The following CARMIL1 variants were observed in gnomAD, a reference collection of about 807,000 sequenced individuals.
The protein encoded by CARMIL1 is F-actin-uncapping protein LRRC16A.
A neutral mutation model predicts 177.1 loss-of-function variants in CARMIL1; 90 were observed. That is an observed-to-expected ratio of 0.51 (90% CI 0.43 to 0.61). The LOEUF (loss-of-function observed/expected upper bound fraction) is 0.61. Ranked by LOEUF, CARMIL1 falls within the 20% of genes least tolerant of loss-of-function variation. The probability of loss-of-function intolerance (pLI) is 0.00; values close to 1 mark genes in which losing one functional copy is unlikely to be tolerated. For missense variants in CARMIL1, 1,380 were observed against 1,667.0 expected (o/e 0.83, Z 3.00); for synonymous variants, 577 against 606.2 (o/e 0.95, Z 0.71).
intron 36 of CARMIL1, among the ~76,000 whole-genome samples, chr6:25,616,424 A>G (rs7751329): frequency 0.27 from 41,164 of 151,928 alleles, 5,923 homozygotes; most frequent in East Asian, 0.54. Flanking sequence ...ATAAAAAATT[A>G]GCTGGGTGTG....
At chr6:25,481,491 C>G (rs879924192) in intron 11 of CARMIL1, among the ~76,000 whole-genome samples, 3 of 152,170 alleles carry the variant, frequency 2.0e-5, no homozygotes, top group Admixed American at 6.5e-5. Flanking sequence ...GTTTAAGGAG[C>G]CTTCTCAAGA....
intron 5 of CARMIL1, among the ~76,000 whole-genome samples, chr6:25,441,636 A>G (rs1797794084): frequency 6.6e-6 from 1 of 152,082 alleles, no homozygotes; most frequent in South Asian, 2.1e-4. Flanking sequence ...AAATTTAAAA[A>G]TCACCCCAAC....
chr6:25,505,743 A>G (rs1051524622), intron 17 of CARMIL1, among the ~76,000 whole-genome samples: 37 of 152,318 alleles, frequency 2.4e-4, no homozygotes, highest in African/African-American at 8.9e-4. Context: ...ATGAGCTACT[A>G]TGCCTGGCCA....
chr6:25,469,060 G>A (rs1216311833), intron 9 of CARMIL1, among the ~76,000 whole-genome samples: 1 of 152,152 alleles, frequency 6.6e-6, no homozygotes, highest in Admixed American at 6.5e-5. Context: ...ACTGATAAGG[G>A]TGTCACCATT....
chr6:25,600,758 C>G lies in CARMIL1; in HGVS notation c.3552+12C>G, dbSNP rs1159475207. 1 of 1,468,646 alleles carries G rather than the reference C, an allele frequency of 6.8e-7. No homozygotes were observed. Among genetic ancestry groups the G allele is most frequent in the Non-Finnish European group, 9.0e-7 (1 of 1,109,832 alleles). 91.0% of individuals were successfully genotyped at this position (1,468,646 alleles called of 1,614,324 possible). A position where few individuals can be genotyped will look rare whatever the true frequency, so the allele number is the denominator to read the frequency against. ...CGTGTGCGCAGAAGGTAAGGGTGGA[C>G]CTATTTTTAATTCATTCATTTATTT... On this transcript the variant is annotated intron_variant, in intron 33 of 36. Transcript: ENST00000329474.
intron 2 of CARMIL1, among the ~76,000 whole-genome samples, chr6:25,361,998 A>T (rs1051314682): frequency 1.3e-5 from 2 of 152,226 alleles, no homozygotes; most frequent in Non-Finnish European, 2.9e-5. Flanking sequence ...AAAAAAAGAA[A>T]GAAAAAATTT....
chr6:25,288,521 T>C (rs1781699835), intron 2 of CARMIL1, among the ~76,000 whole-genome samples: 1 of 151,198 alleles, frequency 6.6e-6, no homozygotes, highest in Non-Finnish European at 1.5e-5. Context: ...TCTTATGTTA[T>C]AACAGTATCT....
chr6:25,364,656 C>T (rs937830146), intron 2 of CARMIL1, among the ~76,000 whole-genome samples: 10 of 152,034 alleles, frequency 6.6e-5, no homozygotes, highest in Middle Eastern at 3.4e-3. Context: ...CTCCGTCTCC[C>T]GGGTTCAAAT....
chr6:25,610,133 G>T lies in CARMIL1; in HGVS notation c.3931G>T (p.Asp1311Tyr). 6.2e-7 allele frequency: 1 copy of T among 1,613,916 alleles called. No homozygotes were observed. The highest frequency in any genetic ancestry group is 8.5e-7 in the Non-Finnish European group (1 of 1,179,872). ...LKKVPSDKERDGQSSPQPSPR... is the reference protein window; with the variant it reads ...LKKVPSDKERYGQSSPQPSPR... The stretch of plus-strand genomic sequence containing the variant: ...AAAAGTTCCTTCAGACAAAGAGAGA[G>T]ATGGCCAGAGTAGCCCCCAGCCCAG... The change falls in exon 36 of 37, where the codon GAT becomes TAT. Residue 1311 changes from aspartate to tyrosine, a missense_variant. Transcript: ENST00000329474.
intron 2 of CARMIL1, among the ~76,000 whole-genome samples, chr6:25,302,091 C>A (rs917594927): frequency 6.6e-6 from 1 of 152,176 alleles, no homozygotes; most frequent in Non-Finnish European, 1.5e-5. Flanking sequence ...AAATCATTTT[C>A]TGAAAATTCA....
chr6:25,340,983 T>G (rs1347408548), intron 2 of CARMIL1, among the ~76,000 whole-genome samples: 4 of 151,954 alleles, frequency 2.6e-5, no homozygotes, highest in African/African-American at 9.7e-5. Flanking sequence ...AACTTAGGTC[T>G]TAAAAGGAAG....
intron 2 of CARMIL1, among the ~76,000 whole-genome samples, chr6:25,302,481 G>A (rs988317970): frequency 3.3e-5 from 5 of 152,160 alleles, no homozygotes; most frequent in African/African-American, 1.2e-4. Flanking sequence ...TAAACTACTC[G>A]AGAGTCCAGG....
intron 4 of CARMIL1, 41 bp from the exon 5 acceptor site, chr6:25,435,442 A>C (rs762412941): frequency 4.1e-5 from 64 of 1,543,026 alleles, no homozygotes; most frequent in Non-Finnish European, 5.2e-5. Context: ...AACGGAAGGA[A>C]TTGGACTCAT....
At chr6:25,361,898 T>C (rs989411273) in intron 2 of CARMIL1, among the ~76,000 whole-genome samples, 6 of 152,064 alleles carry the variant, frequency 3.9e-5, no homozygotes, top group African/African-American at 1.4e-4. Flanking sequence ...CTCTTGAGTT[T>C]GAACTTTTCA....
At chr6:25,336,922 G>A (rs933857509) in intron 2 of CARMIL1, among the ~76,000 whole-genome samples, 2 of 152,156 alleles carry the variant, frequency 1.3e-5, no homozygotes, top group Non-Finnish European at 2.9e-5. Context: ...GTCACAAGCC[G>A]TTTGGAATTT....
chr6:25,482,802 C>T (rs1582103280), intron 12 of CARMIL1, among the ~76,000 whole-genome samples: 1 of 152,188 alleles, frequency 6.6e-6, no homozygotes, highest in East Asian at 1.9e-4. Context: ...CTTATCTTCT[C>T]TCCAGGTCAG....
chr6:25,389,174 G>A (rs1307468781), intron 2 of CARMIL1: 1 of 152,242 alleles, frequency 6.6e-6, no homozygotes, highest in Non-Finnish European at 1.5e-5. Context: ...TGCTCTGCCA[G>A]TAGAAAATGG....
In CARMIL1 at chr6:25,449,987, G is replaced by C; in HGVS notation, c.461G>C (p.Gly154Ala). Residue 154 changes from glycine (G) to alanine (A), a missense_variant, in exon 6 of 37, where the codon GGC becomes GCC. Gly to Ala is a moderately conservative substitution (Grantham distance 60, BLOSUM62 0). Transcript: ENST00000329474. ...GACAGCCAGACCGTGGCTGAGCAGG[G>C]CCCCTGTGGTGAGCATGCATTTTAA... ...LWDSQTVAEQ[G>A]PCGGFSQMYA... 1 of 1,601,830 alleles carries C rather than the reference G, an allele frequency of 6.2e-7. No individual in the cohort carries two copies. The highest frequency in any genetic ancestry group is 8.5e-7 in the Non-Finnish European group (1 of 1,175,014).
intron 2 of CARMIL1, among the ~76,000 whole-genome samples, chr6:25,375,624 G>A (rs1209361101): frequency 6.6e-6 from 1 of 152,122 alleles, no homozygotes; most frequent in Admixed American, 6.5e-5. Flanking sequence ...TAACACCATT[G>A]ATTCTAAGGC....
Sources: gnomAD v4.1 joint callset for allele counts (sites outside exome capture counted in the v4.1 genomes callset) on GRCh38, gnomAD v4.1.1 for gene constraint, MANE v1.5 for transcripts, NCBI Gene and HGNC (gene_info 2026-07-23, HGNC 2026-07-21) for gene names.